The following CHKA variants were observed in gnomAD, a reference collection of about 807,000 sequenced individuals.
The protein encoded by CHKA is CHETK-alpha.
Under a neutral mutation model 60.1 loss-of-function variants are expected in CHKA, and 34 were observed. The observed-to-expected ratio is 0.57, with a 90% CI of 0.43 to 0.75. The LOEUF is 0.75. Among genes scored for constraint, CHKA ranks in the 30% least tolerant of loss-of-function variants. The pLI is 0.00. For missense variants in CHKA, 563 were observed against 561.3 expected, an observed-to-expected ratio of 1.00 and a Z score of -0.03; for synonymous variants, 217 against 223.1, an observed-to-expected ratio of 0.97 and a Z score of 0.24.
intron 1 of CHKA, among the ~76,000 whole-genome samples, chr11:68,105,624 T>C (rs901431741): frequency 6.6e-6 from 1 of 152,162 alleles, no homozygotes; most frequent in Admixed American, 6.5e-5. Flanking sequence ...CCCTGTCATT[T>C]TTAGCAACGG....
chr11:68,113,376 A>G (rs926095777), intron 1 of CHKA, among the ~76,000 whole-genome samples: 14 of 152,174 alleles, frequency 9.2e-5, no homozygotes, highest in Non-Finnish European at 1.6e-4. Flanking sequence ...GATTTTCATC[A>G]TATGTCATTA....
intron 2 of CHKA, among the ~76,000 whole-genome samples, chr11:68,095,721 A>AG (rs1857485570): frequency 7.0e-6 from 1 of 143,198 alleles, no homozygotes; most frequent in Non-Finnish European, 1.5e-5. Flanking sequence ...AAAAAAAAAA[A>AG]AAAAAAAAAA....
chr11:68,066,582 A>G, intron 7 of CHKA, 66 bp from the exon 8 acceptor site: 1 of 1,235,250 alleles, frequency 8.1e-7, no homozygotes, highest in Non-Finnish European at 1.2e-6. Flanking sequence ...TGAACAGCAG[A>G]GCCGAGAGAA....
At chr11:68,094,925 T>A (rs1857450456) in intron 2 of CHKA, among the ~76,000 whole-genome samples, 1 of 152,348 alleles carries the variant, frequency 6.6e-6, no homozygotes, top group East Asian at 1.9e-4. Context: ...ACAATTTTTT[T>A]AATGAATTAA....
At chr11:68,093,713 G>A (rs535357047) in intron 2 of CHKA, among the ~76,000 whole-genome samples, 1 of 152,164 alleles carries the variant, frequency 6.6e-6, no homozygotes, top group Non-Finnish European at 1.5e-5. Flanking sequence ...TTTATTAGAG[G>A]AAGGCTAATT....
chr11:68,119,846 G>C (rs1449276223), intron 1 of CHKA, among the ~76,000 whole-genome samples: 2 of 152,170 alleles, frequency 1.3e-5, no homozygotes, highest in Non-Finnish European at 2.9e-5. Context: ...GCAGAGTGGT[G>C]AAAGAAGGTC....
At chr11:68,059,360 T>A (rs1280457906) in intron 11 of CHKA, among the ~76,000 whole-genome samples, 1 of 152,204 alleles carries the variant, frequency 6.6e-6, no homozygotes, top group Admixed American at 6.5e-5. Flanking sequence ...ATATGAAGAA[T>A]TATATGAACT....
chr11:68,068,792 G>T, intron 7 of CHKA, 87 bp downstream of exon 7: 1 of 848,174 alleles, frequency 1.2e-6, no homozygotes, highest in Non-Finnish European at 2.0e-6. Context: ...TACTCTTGAT[G>T]CTACCTTACA....
intron 3 of CHKA, among the ~76,000 whole-genome samples, chr11:68,075,652 T>C (rs1470292777): frequency 6.6e-6 from 1 of 152,152 alleles, no homozygotes; most frequent in African/African-American, 2.4e-5. Flanking sequence ...AAAGAGCTTT[T>C]ACAGGCCAGG....
chr11:68,064,781 A>G (rs149807940), intron 9 of CHKA, 150 bp from the exon 10 acceptor site: 49 of 584,358 alleles, frequency 8.4e-5, no homozygotes, highest in Admixed American at 3.9e-5. Context: ...GGCTGGCACC[A>G]GTGAGCCAAC....
intron 1 of CHKA, among the ~76,000 whole-genome samples, chr11:68,109,152 C>T (rs1056432948): frequency 1.4e-5 from 2 of 146,138 alleles, no homozygotes; most frequent in Admixed American, 7.0e-5. Context: ...TGCAGTGGCG[C>T]GATCTCGGCT....
At chr11:68,106,732 T>C (rs962161058) in intron 1 of CHKA, among the ~76,000 whole-genome samples, 2 of 152,172 alleles carry the variant, frequency 1.3e-5, no homozygotes, top group Non-Finnish European at 2.9e-5. Flanking sequence ...TCAGCACCAA[T>C]TGCAAAGCAA....
chr11:68,098,292 A>G (rs1022692494), intron 1 of CHKA, among the ~76,000 whole-genome samples: 15 of 149,990 alleles, frequency 1.0e-4, no homozygotes, highest in Non-Finnish European at 2.2e-4. Flanking sequence ...AAAAAAAAAA[A>G]GAAAAAGAAA....
intron 1 of CHKA, among the ~76,000 whole-genome samples, chr11:68,097,405 C>T (rs540909940): frequency 2.1e-4 from 32 of 152,026 alleles, no homozygotes; most frequent in Non-Finnish European, 3.8e-4. Flanking sequence ...GAGGCCGAGG[C>T]GGGTGGATCA....
intron 11 of CHKA, among the ~76,000 whole-genome samples, chr11:68,060,030 C>CCCTTTTTTTTTT (rs1856168024): frequency 1.5e-4 from 16 of 104,848 alleles, no homozygotes; most frequent in Non-Finnish European, 2.7e-4. Flanking sequence ...TAGAGTTTCA[C>CCCTTTTTTTTTT]TCTTTTTTTT....
At chr11:68,119,293 CAA>C (rs1431698788) in intron 1 of CHKA, among the ~76,000 whole-genome samples, 1 of 152,064 alleles carries the variant, frequency 6.6e-6, no homozygotes, top group Admixed American at 6.6e-5. Context: ...AAGTGAAGCT[CAA>C]AGAGTTAATT....
At chr11:68,071,806 G>A (rs1367503640) in intron 4 of CHKA, among the ~76,000 whole-genome samples, 2 of 152,226 alleles carry the variant, frequency 1.3e-5, no homozygotes, top group Non-Finnish European at 2.9e-5. Flanking sequence ...CTGGAGGAGA[G>A]AATGCAGATG....
At chr11:68,094,266 G>A (rs1352625534) in intron 2 of CHKA, among the ~76,000 whole-genome samples, 11 of 152,230 alleles carry the variant, frequency 7.2e-5, no homozygotes, top group Non-Finnish European at 1.5e-4. Flanking sequence ...AGCAGGCCAA[G>A]TGCAGTGGTT....
At chr11:68,110,694 C>G (rs982762984) in intron 1 of CHKA, among the ~76,000 whole-genome samples, 7 of 152,090 alleles carry the variant, frequency 4.6e-5, no homozygotes, top group Admixed American at 3.9e-4. Flanking sequence ...TACCAACGAA[C>G]TGATTCTAAA....
Sources: allele counts gnomAD v4.1 joint callset (sites outside exome capture counted in the v4.1 genomes callset), GRCh38; gene constraint gnomAD v4.1.1; transcripts MANE v1.5; gene names NCBI Gene and HGNC (gene_info 2026-07-23, HGNC 2026-07-21).